Variants in CDH3 observed in about 807,000 individuals in gnomAD.
CDH3 encodes cadherin-3.
CDH3 carries 54 observed loss-of-function variants against 82.0 expected under a neutral mutation model. The ratio of observed to expected loss-of-function variants is 0.66; its 90% CI spans 0.53 to 0.83. CDH3 has a LOEUF of 0.83. CDH3 is among the 40% of genes least tolerant of loss of function. CDH3 has a pLI of 0.00. For synonymous variants in CDH3, 446 were observed against 437.9 expected, an observed-to-expected ratio of 1.02 and a Z score of -0.23; for missense variants, 1,054 against 1,084.6, an observed-to-expected ratio of 0.97 and a Z score of 0.40.
chr16:68,731,392 A>AT (rs1567467931), downstream of CDH3, among the ~76,000 whole-genome samples: 4 of 25,846 alleles, frequency 1.5e-4, no homozygotes, highest in African/African-American at 4.2e-4. Flanking sequence ...AAAAAAAAAA[A>AT]AAAATATATA....
At chr16:68,700,651 T>C (rs12051035), downstream of CDH3, among the ~76,000 whole-genome samples, 52,721 of 151,904 alleles carry the variant, frequency 0.35, 10,185 homozygotes, top group East Asian at 0.43. Flanking sequence ...AAGTGCAGAG[T>C]TATAGGCGTG....
At chr16:68,681,847 TAAAA>T (rs1961238576) in intron 8 of CDH3, among the ~76,000 whole-genome samples, 1 of 152,062 alleles carries the variant, frequency 6.6e-6, no homozygotes, top group Non-Finnish European at 1.5e-5. Flanking sequence ...AAAAATAAAA[TAAAA>T]ATAAATAAAT....
intron 7 of CDH3, among the ~76,000 whole-genome samples, chr16:68,680,307 A>G (rs951041019): frequency 6.6e-6 from 1 of 152,228 alleles, no homozygotes; most frequent in African/African-American, 2.4e-5. Flanking sequence ...ATGTGCCACA[A>G]AGTAGAATTA....
Position 68,687,589 on chromosome 16 carries a change from C to T in CDH3, c.1648C>T (p.Pro550Ser), listed in dbSNP as rs748818005. Residue 550 changes from proline to serine, a missense_variant, in exon 12 of 16, where the codon CCC becomes TCC. By Grantham distance (74) the Pro-to-Ser change is moderately conservative (BLOSUM62 -1). Transcript: ENST00000264012. ...CAATGACCATGGCCCAGTCCCTGAGCCCCGTCAGATCACCATCTGCAACCA... is the reference window on the plus strand; with the variant it reads ...CAATGACCATGGCCCAGTCCCTGAGTCCCGTCAGATCACCATCTGCAACCA... Reference protein sequence around the residue: ...DVNDHGPVPEPRQITICNQSP... With the variant: ...DVNDHGPVPESRQITICNQSP... 3.5e-5 allele frequency: 56 copies of T among 1,613,984 alleles called. No homozygotes were observed. Among genetic ancestry groups the T allele is most frequent in the Non-Finnish European group, 3.5e-5 (41 of 1,180,002 alleles).
chr16:68,651,474 G>A (rs566014884), intron 2 of CDH3: 125 of 519,592 alleles, frequency 2.4e-4, no homozygotes, highest in South Asian at 1.8e-3. Context: ...GCACTGGCCG[G>A]CCTTCATGGT....
intron 2 of CDH3, among the ~76,000 whole-genome samples, chr16:68,653,749 G>C (rs1960319344): frequency 6.6e-6 from 1 of 150,392 alleles, no homozygotes; most frequent in Non-Finnish European, 1.5e-5. Context: ...GAGTGCAGTG[G>C]CCTGATCTCG....
At chr16:68,731,368 CAAAAAAAA>C (rs869074059), downstream of CDH3, among the ~76,000 whole-genome samples, 46 of 2,270 alleles carry the variant, frequency 0.02, 6 homozygotes, top group Middle Eastern at 0.17. Flanking sequence ...AACTCCGTCT[CAAAAAAAA>C]AAAAAAAAAA....
At chr16:68,712,124 A>G (rs1388952114) in intron 1 of CDH3, among the ~76,000 whole-genome samples, 1 of 143,910 alleles carries the variant, frequency 6.9e-6, no homozygotes, top group Non-Finnish European at 1.5e-5. Flanking sequence ...TGCAGCCTCA[A>G]CCCCCCAGGC....
intron 15 of CDH3, among the ~76,000 whole-genome samples, chr16:68,697,168 C>A (rs536181644): frequency 1.3e-5 from 2 of 151,772 alleles, no homozygotes; most frequent in Non-Finnish European, 2.9e-5. Flanking sequence ...ACTAAAAATA[C>A]AAAAAATTAG....
At chr16:68,731,900 A>C (rs1198478546), downstream of CDH3, among the ~76,000 whole-genome samples, 2 of 152,106 alleles carry the variant, frequency 1.3e-5, no homozygotes, top group Non-Finnish European at 1.5e-5. Context: ...AGAAAGATGA[A>C]AGAAGATTTG....
intron 2 of CDH3, among the ~76,000 whole-genome samples, chr16:68,647,626 G>C (rs530858490): frequency 6.6e-6 from 1 of 152,282 alleles, no homozygotes; most frequent in East Asian, 1.9e-4. Context: ...GGGTCTTAGA[G>C]TAGGCTTCTG....
chr16:68,683,021 G>A (rs1482030666), intron 9 of CDH3, among the ~76,000 whole-genome samples: 2 of 152,112 alleles, frequency 1.3e-5, no homozygotes, highest in African/African-American at 4.8e-5. Flanking sequence ...GCTGAGGTGG[G>A]AGGATCACTT....
At position 68,699,678 on chromosome 16, in the gene CDH3, G is replaced by C. The variant is rs1961856471; in HGVS notation, c.*1278G>C. Reference sequence around the variant, plus strand: ...TTTTTTGAGTGTGTGTGTTTTTTTAGTAGAGACGGGGTTTCACTGTGTTAG... The same window carrying C: ...TTTTTTGAGTGTGTGTGTTTTTTTACTAGAGACGGGGTTTCACTGTGTTAG... On this transcript the variant is annotated 3_prime_UTR_variant, in exon 16 of 16. Coordinates refer to ENST00000264012, the MANE Select transcript of CDH3 (RefSeq NM_001793.6). 6.6e-6 allele frequency: 1 copy of C among 152,000 alleles called. No individual in the cohort carries two copies. Among genetic ancestry groups the C allele is most frequent in the Admixed American group, 6.6e-5 (1 of 15,214 alleles). The allele number at this position is 152,000 out of a possible 1,614,324, so 9.4% of individuals were successfully genotyped here.
intron 13 of CDH3, among the ~76,000 whole-genome samples, chr16:68,692,773 A>G (rs2152105875): frequency 6.6e-6 from 1 of 152,374 alleles, no homozygotes; most frequent in Admixed American, 6.5e-5. Context: ...TAGACAACAC[A>G]CATCGTCAGT....
At position 68,720,737 on chromosome 16, in the gene CDH3, TC is replaced by T. The variant is rs1312114765; in HGVS notation, c.100-1685del. Among the ~76,000 whole-genome samples the T allele has an allele frequency of 1.6e-4, 25 of 151,594 alleles. 1 individual carries two copies. The highest frequency in any genetic ancestry group is 9.2e-4 in the Admixed American group (14 of 15,180). ...CTCAAGCGATTCTCCTGCCTCAGCC[TC>T]CCAAGCCCGAGTAGCTGGGATTACA... On this transcript the variant is annotated intron_variant, in intron 1 of 2. Transcript: ENST00000569080.
At chr16:68,677,465 C>T (rs1464861197) in intron 3 of CDH3, among the ~76,000 whole-genome samples, 2 of 152,214 alleles carry the variant, frequency 1.3e-5, no homozygotes, top group Admixed American at 6.5e-5. Flanking sequence ...AGGCCGAATG[C>T]GGTGGCTCAC....
Position 68,707,212 on chromosome 16 carries a change from T to A in CDH3, c.99+11289T>A, listed in dbSNP as rs901633629. On this transcript the variant is annotated intron_variant, in intron 1 of 2. Transcript: ENST00000569080. This position sits in a 1 kb window ranked among gnomAD's most constrained non-coding sequence, Gnocchi z 4.5. Reference sequence around the variant, plus strand: ...CAGCAGGGTTTAGCAGGGAGGCCAGTGTGGCTGGAGCAGAGGGACGGGTTG... The same window carrying A: ...CAGCAGGGTTTAGCAGGGAGGCCAGAGTGGCTGGAGCAGAGGGACGGGTTG... 1.3e-5 allele frequency among the ~76,000 whole-genome samples: 2 copies of A among 152,092 alleles called. No homozygotes were observed. Among genetic ancestry groups the A allele is most frequent in the East Asian group, 1.9e-4 (1 of 5,178 alleles).
Position 68,684,477 on chromosome 16 carries a change from C to T in CDH3, c.1183-106C>T. 4.6e-6 allele frequency: 6 copies of T among 1,294,008 alleles called. No homozygotes were observed. The Admixed American group carries it at 5.0e-5, about 11-fold the overall frequency. 80.2% of individuals were successfully genotyped at this position (1,294,008 alleles called of 1,614,324 possible). Reference sequence around the variant, plus strand: ...AGGGCAGCACTGTTGCTAGTGAGGGCCTCAAGCCCCTCAGTATTGGTGTTT... The same window carrying T: ...AGGGCAGCACTGTTGCTAGTGAGGGTCTCAAGCCCCTCAGTATTGGTGTTT... On this transcript the variant is annotated intron_variant, in intron 9 of 15. Coordinates refer to ENST00000264012, the MANE Select transcript of CDH3 (RefSeq NM_001793.6).
At chr16:68,662,835 C>A (rs569430197) in intron 2 of CDH3, among the ~76,000 whole-genome samples, 2 of 145,312 alleles carry the variant, frequency 1.4e-5, no homozygotes, top group Non-Finnish European at 3.0e-5. Flanking sequence ...TGTGAGCCAC[C>A]GTTCCCGGAG....
Sources: gnomAD v4.1 joint callset for allele counts (sites outside exome capture counted in the v4.1 genomes callset) on GRCh38, gnomAD v4.1.1 for gene constraint, Gnocchi (gnomAD v3.1) non-coding constraint, MANE v1.5 for transcripts, NCBI Gene and HGNC (gene_info 2026-07-23, HGNC 2026-07-21) for gene names.